PHACTR1: variants seen among roughly 807,000 people sequenced by gnomAD.
PHACTR1 encodes the protein RPEL repeat containing 1.
PHACTR1 carries 16 observed loss-of-function variants against 69.2 expected under a neutral mutation model. The ratio of observed to expected loss-of-function variants is 0.23; its 90% CI spans 0.16 to 0.35. The LOEUF is 0.35. Among genes scored for constraint, PHACTR1 ranks in the 10% least tolerant of loss-of-function variants. The pLI is 1.00. For missense variants in PHACTR1, 510 were observed against 734.7 expected (o/e 0.69, Z 3.54); for synonymous variants, 312 against 284.5 (o/e 1.10, Z -0.97).
intron 4 of PHACTR1, among the ~76,000 whole-genome samples, chr6:12,802,560 C>G (rs976681031): frequency 6.6e-6 from 1 of 152,124 alleles, no homozygotes; most frequent in African/African-American, 2.4e-5. Context: ...CTTTATTATA[C>G]TGAATCTAAA....
intron 4 of PHACTR1, among the ~76,000 whole-genome samples, chr6:12,975,881 G>A (rs1268762317): frequency 1.3e-5 from 2 of 152,210 alleles, no homozygotes; most frequent in East Asian, 3.8e-4. Context: ...TGCCTTGGTA[G>A]GCTGAATCTT....
In PHACTR1 at chr6:13,059,458, T is replaced by TCACA. The variant is rs57652223; in HGVS notation, c.415+5962_415+5965dup. 4.2e-3 allele frequency among the ~76,000 whole-genome samples: 627 copies of TCACA among 148,244 alleles called. 2 individuals are homozygous for TCACA. Among genetic ancestry groups the TCACA allele is most frequent in the Middle Eastern group, 0.017 (5 of 286 alleles). On this transcript the variant is annotated intron_variant, in intron 5 of 14. Coordinates refer to ENST00000332995, the MANE Select transcript of PHACTR1 (RefSeq NM_030948.6). ...GTAGATTTTATGTTAAATGTTCTTA[T>TCACA]CACACACACACACACACACACACAC... is the stretch of plus-strand genomic sequence containing the variant.
chr6:13,117,526 C>T (rs1817990295), intron 5 of PHACTR1, among the ~76,000 whole-genome samples: 2 of 152,136 alleles, frequency 1.3e-5, no homozygotes, highest in Non-Finnish European at 2.9e-5. Flanking sequence ...ATCTGACCTG[C>T]TTAATTCAAC....
At chr6:13,218,120 A>G (rs1268931250) in intron 8 of PHACTR1, among the ~76,000 whole-genome samples, 1 of 152,252 alleles carries the variant, frequency 6.6e-6, no homozygotes, top group African/African-American at 2.4e-5. Flanking sequence ...ATCAGAAAGC[A>G]ATATTCCCTT....
At chr6:13,051,125 T>C (rs1326898039) in intron 4 of PHACTR1, among the ~76,000 whole-genome samples, 2 of 152,106 alleles carry the variant, frequency 1.3e-5, no homozygotes, top group African/African-American at 2.4e-5. Flanking sequence ...ACCCCCCCAT[T>C]CTACCCAAAG....
intron 5 of PHACTR1, among the ~76,000 whole-genome samples, chr6:13,133,942 C>T (rs1821036401): frequency 6.6e-6 from 1 of 151,538 alleles, no homozygotes; most frequent in African/African-American, 2.4e-5. Flanking sequence ...CGCCTCTGCC[C>T]CGCCACCCCG....
chr6:13,061,314 A>T (rs924285674), intron 5 of PHACTR1, among the ~76,000 whole-genome samples: 1 of 152,144 alleles, frequency 6.6e-6, no homozygotes, highest in South Asian at 2.1e-4. Flanking sequence ...TGGGACTTGG[A>T]TGTATCTTTT....
At chr6:12,894,342 C>T (rs530304597) in intron 4 of PHACTR1, among the ~76,000 whole-genome samples, 35 of 152,304 alleles carry the variant, frequency 2.3e-4, no homozygotes, top group African/African-American at 7.9e-4. Context: ...CAGTGGCTGA[C>T]GCCTATAATC....
chr6:12,907,698 T>C (rs1454116683), intron 4 of PHACTR1, among the ~76,000 whole-genome samples: 1 of 152,114 alleles, frequency 6.6e-6, no homozygotes, highest in African/African-American at 2.4e-5. Context: ...AGTAGAACCA[T>C]AGTCTAGGTT....
chr6:13,283,757 C>A lies in PHACTR1; in HGVS notation c.1650+195C>A. 1 of 744,772 alleles carries A rather than the reference C, an allele frequency of 1.3e-6. No individual in the cohort carries two copies. Among genetic ancestry groups the A allele is most frequent in the Non-Finnish European group, 2.2e-6 (1 of 461,312 alleles). The allele number at this position is 744,772 out of a possible 1,614,324, so 46.1% of individuals were successfully genotyped here. A position where few individuals can be genotyped will look rare whatever the true frequency, so the allele number is the denominator to read the frequency against. On this transcript the variant is annotated intron_variant, in intron 13 of 14. Coordinates refer to ENST00000332995, the MANE Select transcript of PHACTR1 (RefSeq NM_030948.6). This position sits in a 1 kb window ranked among gnomAD's most constrained non-coding sequence, Gnocchi z 4.7. ...GGAAAGGCTGCTGAATCGGAGAAAA[C>A]ACAAGGCACATAATACTGTGCCCAT...
intron 4 of PHACTR1, among the ~76,000 whole-genome samples, chr6:12,914,661 A>G (rs1334214986): frequency 6.6e-6 from 1 of 151,984 alleles, no homozygotes; most frequent in Non-Finnish European, 1.5e-5. Flanking sequence ...ACCACCATCC[A>G]CTCAGTTGCT....
At chr6:13,071,998 AG>A in intron 5 of PHACTR1, among the ~76,000 whole-genome samples, 1 of 152,362 alleles carries the variant, frequency 6.6e-6, no homozygotes, top group Admixed American at 6.5e-5. Context: ...TATGAAAAAA[AG>A]GTTATACAAT....
At chr6:13,011,656 G>A (rs754468777) in intron 4 of PHACTR1, among the ~76,000 whole-genome samples, 6 of 152,228 alleles carry the variant, frequency 3.9e-5, no homozygotes, top group African/African-American at 2.4e-5. Flanking sequence ...GAGGTCAGAT[G>A]GGGTTTCTGC....
intron 4 of PHACTR1, among the ~76,000 whole-genome samples, chr6:13,052,036 G>A (rs1243484741): frequency 6.6e-6 from 1 of 152,106 alleles, no homozygotes; most frequent in Non-Finnish European, 1.5e-5. Context: ...TATGAATGAA[G>A]GGTACCACTC....
chr6:12,995,669 T>A (rs1797343163), intron 4 of PHACTR1, among the ~76,000 whole-genome samples: 3 of 152,060 alleles, frequency 2.0e-5, no homozygotes, highest in African/African-American at 7.2e-5. Context: ...ACTTAATGAT[T>A]TCCTTAATAA....
intron 10 of PHACTR1, among the ~76,000 whole-genome samples, chr6:13,270,249 G>A (rs1012250722): frequency 6.6e-6 from 1 of 152,256 alleles, no homozygotes; most frequent in African/African-American, 2.4e-5. Flanking sequence ...GACAGGGCAA[G>A]GTATTGGGGG....
intron 5 of PHACTR1, among the ~76,000 whole-genome samples, chr6:13,082,172 C>G (rs538797168): frequency 6.6e-6 from 1 of 152,110 alleles, no homozygotes; most frequent in African/African-American, 2.4e-5. Context: ...CATCGCGATG[C>G]CTTCATCCTT....
intron 4 of PHACTR1, among the ~76,000 whole-genome samples, chr6:12,780,249 CTGTGTGTGTGTGTGTG>C (rs71552713): frequency 4.1e-5 from 6 of 147,450 alleles, no homozygotes; most frequent in Non-Finnish European, 6.0e-5. Context: ...TATCTTTTCT[CTGTGTGTGTGTGTGTG>C]TGTGTGTGTG....
At chr6:12,979,943 C>T (rs899142170) in intron 4 of PHACTR1, among the ~76,000 whole-genome samples, 4 of 152,224 alleles carry the variant, frequency 2.6e-5, no homozygotes, top group Middle Eastern at 6.8e-3. Flanking sequence ...AATGGCTCTC[C>T]AAAATGTTCT....
Sources: allele counts gnomAD v4.1 joint callset (sites outside exome capture counted in the v4.1 genomes callset), GRCh38; gene constraint gnomAD v4.1.1; non-coding constraint Gnocchi (gnomAD v3.1); transcripts MANE v1.5; gene names NCBI Gene and HGNC (gene_info 2026-07-23, HGNC 2026-07-21).